The following ZNF407 variants were observed in gnomAD, a reference collection of about 807,000 sequenced individuals.
ZNF407 encodes the protein zinc finger protein 407.
ZNF407 carries 17 observed loss-of-function variants against 131.2 expected under a neutral mutation model. That is an observed-to-expected ratio of 0.13 (90% CI 0.09 to 0.19). The LOEUF (loss-of-function observed/expected upper bound fraction) is 0.19, where lower values mean the gene tolerates loss of function less well. Among genes scored for constraint, ZNF407 ranks in the 10% least tolerant of loss-of-function variants. ZNF407 has a pLI of 1.00. For missense variants in ZNF407, 2,681 were observed against 2,830.6 expected (o/e 0.95, Z 1.20); for synonymous variants, 1,156 against 1,062.0 (o/e 1.09, Z -1.72).
chr18:74,755,355 AT>A (rs1274635832), intron 3 of ZNF407, among the ~76,000 whole-genome samples: 1 of 151,948 alleles, frequency 6.6e-6, no homozygotes, highest in Non-Finnish European at 1.5e-5. Context: ...TTTAAGGTTA[AT>A]ATTGTTATGT....
intron 8 of ZNF407, among the ~76,000 whole-genome samples, chr18:75,012,956 A>G (rs1972999015): frequency 6.6e-6 from 1 of 151,546 alleles, no homozygotes; most frequent in Admixed American, 6.6e-5. Context: ...TTTTTAAAAA[A>G]AAAAAAAAAA....
At chr18:75,021,535 G>T (rs753254442) in intron 8 of ZNF407, among the ~76,000 whole-genome samples, 2 of 152,042 alleles carry the variant, frequency 1.3e-5, no homozygotes, top group African/African-American at 2.4e-5. Flanking sequence ...CTCCCAAAGT[G>T]CTGGAATTAC....
chr18:74,640,116 A>G (rs1279283397), intron 2 of ZNF407, among the ~76,000 whole-genome samples: 3 of 152,118 alleles, frequency 2.0e-5, no homozygotes, highest in East Asian at 3.8e-4. Flanking sequence ...TGTATTGGTT[A>G]GAAAGTTTGG....
chr18:74,801,861 A>G (rs933420615), intron 4 of ZNF407, among the ~76,000 whole-genome samples: 3 of 152,242 alleles, frequency 2.0e-5, no homozygotes, highest in African/African-American at 7.2e-5. Context: ...TGAACAATAA[A>G]CATTCCAGAA....
intron 4 of ZNF407, among the ~76,000 whole-genome samples, chr18:74,848,973 C>T (rs1329798285): frequency 6.6e-6 from 1 of 151,540 alleles, no homozygotes; most frequent in Admixed American, 6.6e-5. Context: ...ACTGAAGTGG[C>T]AAACCATGGA....
Position 74,703,673 on chromosome 18 carries a change from C to G in ZNF407, c.4802+62551C>G, listed in dbSNP as rs1967553980. 6.6e-6 allele frequency among the ~76,000 whole-genome samples: 1 copy of G among 151,998 alleles called. No individual in the cohort carries two copies. The highest frequency in any genetic ancestry group is 2.1e-4 in the South Asian group (1 of 4,814). The stretch of plus-strand genomic sequence containing the variant: ...GAGCCACCGTGCCCAGCCTAGATCT[C>G]TTTTATGGGCTATGAGATTGATTTT... On this transcript the variant is annotated intron_variant, in intron 3 of 8. Transcript: ENST00000299687. The surrounding 1 kb of genome is among the most constrained non-coding windows in gnomAD (Gnocchi z 4.1).
rs375878133 is a variant in ZNF407, at chr18:74,920,676, C to G, written c.5412C>G (p.Leu1804=). ...EQHPDIENPD[L]AYLHAGIVSK... ...ATCCTGACATCGAAAACCCGGACCT[C>G]GCTTACCTGCATGCTGGTAAGGGAC... The change falls in exon 8 of 9, where the codon CTC becomes CTG. Residue 1804 remains leucine (L), a synonymous_variant. Transcript: ENST00000299687. 9 of 1,606,078 alleles carry G rather than the reference C, an allele frequency of 5.6e-6. No individual in the cohort carries two copies. The highest frequency in any genetic ancestry group is 4.0e-5 in the African/African-American group (3 of 74,816).
In ZNF407 at chr18:75,061,212, A is replaced by G. The variant is rs184713487; in HGVS notation, c.5429-1938A>G. The G allele has an allele frequency of 3.3e-5, 5 of 152,370 alleles. No homozygotes were observed. In the East Asian group the frequency reaches 9.6e-4, roughly 29 times the overall value. The allele number at this position is 152,370 out of a possible 1,614,324, so 9.4% of individuals were successfully genotyped here. ...TAAGGTTAAAAGACGCTGTTAAGAA[A>G]CTGACCCCCTCAAGGAGATTAAAGC... On this transcript the variant is annotated intron_variant, in intron 8 of 8. Coordinates refer to ENST00000299687, the MANE Select transcript of ZNF407 (RefSeq NM_017757.3).
At chr18:74,983,951 C>T (rs1972623342) in intron 8 of ZNF407, among the ~76,000 whole-genome samples, 1 of 152,196 alleles carries the variant, frequency 6.6e-6, no homozygotes, top group Admixed American at 6.5e-5. Flanking sequence ...CTCATTTGAT[C>T]TTCTTGTATA....
intron 8 of ZNF407, among the ~76,000 whole-genome samples, chr18:74,947,526 C>T (rs1388752302): frequency 3.9e-5 from 6 of 152,144 alleles, no homozygotes; most frequent in African/African-American, 9.7e-5. Flanking sequence ...GTGAAAGTAA[C>T]GGAAGCTCAA....
chr18:74,631,478 T>C lies in ZNF407; in HGVS notation c.459T>C (p.Ser153=), dbSNP rs781460892. 2 of 1,613,928 alleles carry C rather than the reference T, an allele frequency of 1.2e-6. No homozygotes were observed. The highest frequency in any genetic ancestry group is 2.7e-5 in the African/African-American group (2 of 74,938). Residue 153 remains serine, a synonymous_variant, in exon 2 of 9, where the codon TCT becomes TCC. Transcript: ENST00000299687. ...TGAAAACAGACACTGAAAAAACATCTGCTCAGGAAATGGTTTCCCTTGATC... is the reference window on the plus strand; with the variant it reads ...TGAAAACAGACACTGAAAAAACATCCGCTCAGGAAATGGTTTCCCTTGATC... ...VSLKTDTEKT[S]AQEMVSLDLE...
chr18:74,689,851 G>C (rs1417181563), intron 3 of ZNF407, among the ~76,000 whole-genome samples: 1 of 152,176 alleles, frequency 6.6e-6, no homozygotes, highest in Admixed American at 6.5e-5. Context: ...CTGGGGGCTT[G>C]AGAGATAGGG....
chr18:74,861,541 A>G (rs982872470), intron 4 of ZNF407, among the ~76,000 whole-genome samples: 2 of 152,230 alleles, frequency 1.3e-5, no homozygotes, highest in African/African-American at 4.8e-5. Context: ...AGAATAGACA[A>G]CATATTCAGG....
intron 8 of ZNF407, among the ~76,000 whole-genome samples, chr18:74,987,956 A>C (rs1010502870): frequency 6.6e-6 from 1 of 152,178 alleles, no homozygotes; most frequent in Non-Finnish European, 1.5e-5. Context: ...TGCTTCTAAA[A>C]TGTGTGTGGG....
At chr18:75,052,446 A>G (rs950309096) in intron 8 of ZNF407, among the ~76,000 whole-genome samples, 2 of 152,182 alleles carry the variant, frequency 1.3e-5, no homozygotes. Flanking sequence ...GAAGGAGCTC[A>G]GGGAGCCCGT....
At chr18:74,725,446 G>A (rs1004065714) in intron 3 of ZNF407, among the ~76,000 whole-genome samples, 1 of 152,108 alleles carries the variant, frequency 6.6e-6, no homozygotes, top group Non-Finnish European at 1.5e-5. Flanking sequence ...TATGGGAGAC[G>A]AGACAGAATC....
Position 74,613,014 on chromosome 18 carries a change from A to C in ZNF407, c.-54+15077A>C, listed in dbSNP as rs140337707. On this transcript the variant is annotated intron_variant, in intron 1 of 8. Transcript: ENST00000299687. ...TTAAACTAGCATACATGACTTTATC[A>C]TTCTAGGAGATTACTAGCCCTTAAA... Among the ~76,000 whole-genome samples, 1,236 of 152,320 alleles carry C rather than the reference A, an allele frequency of 8.1e-3. 10 individuals are homozygous for C. Among genetic ancestry groups the C allele is most frequent in the African/African-American group, 0.028 (1,179 of 41,564 alleles).
intron 7 of ZNF407, among the ~76,000 whole-genome samples, chr18:74,890,998 C>G (rs946574690): frequency 6.6e-6 from 1 of 152,210 alleles, no homozygotes; most frequent in Non-Finnish European, 1.5e-5. Flanking sequence ...TGATGTCTGC[C>G]AGGTAGCAGA....
chr18:74,842,014 A>C (rs1970640596), intron 4 of ZNF407, among the ~76,000 whole-genome samples: 1 of 152,190 alleles, frequency 6.6e-6, no homozygotes, highest in Admixed American at 6.5e-5. Context: ...CATAGTCCTT[A>C]TTCTTAAGAT....
Sources: allele counts gnomAD v4.1 joint callset (sites outside exome capture counted in the v4.1 genomes callset), GRCh38; gene constraint gnomAD v4.1.1; non-coding constraint Gnocchi (gnomAD v3.1); transcripts MANE v1.5; gene names NCBI Gene and HGNC (gene_info 2026-07-23, HGNC 2026-07-21).